ATP2B2: variants seen among roughly 807,000 people sequenced by gnomAD.
The protein encoded by ATP2B2 is ATPase plasma membrane Ca2+ transporting 2.
A neutral mutation model predicts 120.0 loss-of-function variants in ATP2B2; 15 were observed. The ratio of observed to expected loss-of-function variants is 0.12; its 90% CI spans 0.08 to 0.19. The LOEUF is 0.19. ATP2B2 is among the 10% of genes least tolerant of loss of function. The probability of loss-of-function intolerance (pLI) is 1.00; values close to 1 mark genes in which losing one functional copy is unlikely to be tolerated. For missense variants in ATP2B2, 1,045 were observed against 1,719.8 expected (o/e 0.61, Z 6.94); for synonymous variants, 694 against 700.3 (o/e 0.99, Z 0.14).
At chr3:10,675,386 T>C (rs151183687) in intron 1 of ATP2B2, among the ~76,000 whole-genome samples, 1 of 152,352 alleles carries the variant, frequency 6.6e-6, no homozygotes, top group East Asian at 1.9e-4. Context: ...ACCATGACTT[T>C]TGTGAGCTTC....
chr3:10,707,159 T>A (rs1048672305), intron 1 of ATP2B2, among the ~76,000 whole-genome samples: 3 of 152,178 alleles, frequency 2.0e-5, no homozygotes, highest in Non-Finnish European at 2.9e-5. Flanking sequence ...AAGTCCACCT[T>A]CCGAAGGAGG....
chr3:10,583,653 A>G (rs967563857), intron 2 of ATP2B2, among the ~76,000 whole-genome samples: 1 of 152,224 alleles, frequency 6.6e-6, no homozygotes. Context: ...AGTGTGATCC[A>G]TTTAATCCCT....
intron 12 of ATP2B2, among the ~76,000 whole-genome samples, chr3:10,362,325 C>T (rs990366131): frequency 6.6e-6 from 1 of 152,240 alleles, no homozygotes; most frequent in African/African-American, 2.4e-5. Flanking sequence ...CTGTCAGCAA[C>T]TGGATGTATC....
At chr3:10,541,359 A>C (rs1003867449) in intron 2 of ATP2B2, among the ~76,000 whole-genome samples, 1 of 152,044 alleles carries the variant, frequency 6.6e-6, no homozygotes, top group Non-Finnish European at 1.5e-5. Flanking sequence ...GTAGGGGCTT[A>C]GATTGTTGAT....
At chr3:10,632,416 G>C (rs1004102992) in intron 1 of ATP2B2, among the ~76,000 whole-genome samples, 1 of 152,124 alleles carries the variant, frequency 6.6e-6, no homozygotes, top group African/African-American at 2.4e-5. Context: ...CCTCTATGGG[G>C]CCTTTACGTG....
rs2059876671 is a variant in ATP2B2 at position 10,327,410 on chromosome 3, A to T, written c.*1404T>A. ...TCATAAGGTTCATTCGGATCTAAATAGTGCAGAGAAAAAGGCTATTCTTCT... is the reference window on the plus strand; with the variant it reads ...TCATAAGGTTCATTCGGATCTAAATTGTGCAGAGAAAAAGGCTATTCTTCT... On this transcript the variant is annotated 3_prime_UTR_variant, in exon 23 of 23. Transcript: ENST00000360273. 2 of 152,708 alleles carry T rather than the reference A, an allele frequency of 1.3e-5. No homozygotes were observed. The highest frequency in any genetic ancestry group is 1.3e-4 in the Admixed American group (2 of 15,284). The allele number at this position is 152,708 out of a possible 1,614,324, so 9.5% of individuals were successfully genotyped here.
intron 12 of ATP2B2, among the ~76,000 whole-genome samples, chr3:10,365,837 A>ACAGTAGGTGGTGTACACGTGTTGTGTGTT (rs1364375134): frequency 1.1e-4 from 17 of 151,680 alleles, no homozygotes; most frequent in Non-Finnish European, 1.3e-4. Flanking sequence ...TTGTATGTGC[A>ACAGTAGGTGGTGTACACGTGTTGTGTGTT]TGATGGGTGG....
chr3:10,653,860 G>A (rs2070535381), intron 1 of ATP2B2, among the ~76,000 whole-genome samples: 1 of 152,042 alleles, frequency 6.6e-6, no homozygotes, highest in Non-Finnish European at 1.5e-5. Flanking sequence ...GTTCTATACT[G>A]TTCCTGCTTC....
At chr3:10,549,455 C>T (rs1268028276) in intron 2 of ATP2B2, among the ~76,000 whole-genome samples, 1 of 151,930 alleles carries the variant, frequency 6.6e-6, no homozygotes, top group East Asian at 1.9e-4. Flanking sequence ...GGAGAGCAAA[C>T]AAGCTCATGC....
In ATP2B2 at chr3:10,410,594, T is replaced by A. The variant is rs373903404; in HGVS notation, c.397+24A>T. The A allele has an allele frequency of 2.6e-5, 41 of 1,583,500 alleles. No homozygotes were observed. The African/African-American group carries it at 5.4e-4, about 21-fold the overall frequency. On this transcript the variant is annotated intron_variant, in intron 3 of 22. Transcript: ENST00000360273. ...GCGGTGGCCAGGTGTGCGGGGCGGT[T>A]CGTGGGTCTGAGGCCCATCTTACCT...
intron 2 of ATP2B2, among the ~76,000 whole-genome samples, chr3:10,614,486 C>A (rs2069328328): frequency 6.6e-6 from 1 of 152,328 alleles, no homozygotes; most frequent in South Asian, 2.1e-4. Flanking sequence ...TCTGAAAGCA[C>A]AATGCGCCAG....
At chr3:10,580,087 C>T (rs762559950) in intron 2 of ATP2B2, among the ~76,000 whole-genome samples, 6 of 152,158 alleles carry the variant, frequency 3.9e-5, no homozygotes, top group Non-Finnish European at 8.8e-5. Context: ...GGTCATCCTA[C>T]ATCAACAGGG....
chr3:10,392,717 C>G (rs1381651225), intron 5 of ATP2B2, among the ~76,000 whole-genome samples: 1 of 152,224 alleles, frequency 6.6e-6, no homozygotes, highest in Non-Finnish European at 1.5e-5. Context: ...AGAGAGAGCC[C>G]TGGACCCAGA....
chr3:10,443,985 A>T (rs994299717), intron 2 of ATP2B2, among the ~76,000 whole-genome samples: 51 of 152,154 alleles, frequency 3.4e-4, no homozygotes, highest in African/African-American at 1.2e-3. Flanking sequence ...CTCACCAGTC[A>T]TCATGTCTTC....
At chr3:10,577,517 C>T (rs1431150149) in intron 2 of ATP2B2, among the ~76,000 whole-genome samples, 1 of 152,196 alleles carries the variant, frequency 6.6e-6, no homozygotes, top group Non-Finnish European at 1.5e-5. Flanking sequence ...ATCGGCTGGG[C>T]CAGGGCCAAG....
intron 2 of ATP2B2, among the ~76,000 whole-genome samples, chr3:10,566,661 C>T (rs1241439295): frequency 1.3e-5 from 2 of 152,094 alleles, no homozygotes; most frequent in African/African-American, 2.4e-5. Context: ...GATGTGAGGG[C>T]TAAATAAATA....
intron 7 of ATP2B2, among the ~76,000 whole-genome samples, chr3:10,385,940 T>A (rs779616412): frequency 1.3e-4 from 20 of 152,352 alleles, no homozygotes; most frequent in Non-Finnish European, 2.8e-4. Context: ...AAAGGTGACA[T>A]CAAGCATGTT....
chr3:10,338,096 G>A, intron 22 of ATP2B2, 80 bp downstream of exon 22: 3 of 1,586,274 alleles, frequency 1.9e-6, no homozygotes, highest in Non-Finnish European at 8.6e-7. Context: ...GGGCCCTGGG[G>A]GGCAGCACAA....
chr3:10,574,956 G>A (rs1196173732), intron 2 of ATP2B2, among the ~76,000 whole-genome samples: 5 of 152,128 alleles, frequency 3.3e-5, no homozygotes, highest in African/African-American at 1.2e-4. Context: ...CAAAGGGCTG[G>A]CTGACTTGAC....
Sources: gnomAD v4.1 joint callset for allele counts (sites outside exome capture counted in the v4.1 genomes callset) on GRCh38, gnomAD v4.1.1 for gene constraint, MANE v1.5 for transcripts, NCBI Gene and HGNC (gene_info 2026-07-23, HGNC 2026-07-21) for gene names.